The following PCYT1B variants were observed in gnomAD, a reference collection of about 807,000 sequenced individuals.
PCYT1B encodes the protein choline-phosphate cytidylyltransferase B.
In PCYT1B, 10 loss-of-function variants were observed where a neutral mutation model predicts 26.4. The observed-to-expected ratio is 0.38, with a 90% CI of 0.23 to 0.64. The LOEUF (loss-of-function observed/expected upper bound fraction) is 0.64. Ranked by LOEUF, PCYT1B falls within the 30% of genes least tolerant of loss-of-function variation. The pLI is 0.56. For missense variants in PCYT1B, 161 were observed against 292.7 expected (o/e 0.55, Z 3.28); for synonymous variants, 131 against 108.4 (o/e 1.21, Z -1.29).
At chrX:24,584,584 A>C (rs1924308193) in intron 5 of PCYT1B, among the ~76,000 whole-genome samples, 1 of 112,157 alleles carries the variant, frequency 8.9e-6, no homozygotes, top group Admixed American at 9.4e-5. Context: ...AGTCCCCACC[A>C]CCAGCCCTGC....
rs371692891 is a variant in PCYT1B at position 24,572,918 on chromosome X, T to TTATATATA, written c.897+2204_897+2211dup. Among the ~76,000 whole-genome samples, 481 of 96,280 alleles carry TTATATATA rather than the reference T, an allele frequency of 5.0e-3. 3 individuals carry two copies. Among genetic ancestry groups the TTATATATA allele is most frequent in the African/African-American group, 0.015 (402 of 26,500 alleles). 83.6% of individuals were successfully genotyped at this position (96,280 alleles called of 115,157 possible). A position where few individuals can be genotyped will look rare whatever the true frequency, so the allele number is the denominator to read the frequency against. ...TAAGGTCTATAAAGTTTTCATCAAA[T>TTATATATA]TATATATATATATATATATACACAC... is the stretch of plus-strand genomic sequence containing the variant. On this transcript the variant is annotated intron_variant, in intron 7 of 7. Transcript: ENST00000379144.
At chrX:24,609,706 A>G (rs766054942) in intron 2 of PCYT1B, among the ~76,000 whole-genome samples, 5 of 112,359 alleles carry the variant, frequency 4.5e-5, no homozygotes, top group African/African-American at 1.6e-4. Context: ...TTGACTGTCA[A>G]GTGTTGAGTG....
At chrX:24,563,187 G>A (rs972410119) in intron 7 of PCYT1B, among the ~76,000 whole-genome samples, 2 of 111,887 alleles carry the variant, frequency 1.8e-5, no homozygotes, top group South Asian at 3.8e-4. Flanking sequence ...GATATGAGGA[G>A]GAATCACACA....
At chrX:24,621,963 G>A (rs771396929) in intron 1 of PCYT1B, 3 of 172,418 alleles carry the variant, frequency 1.7e-5, no homozygotes, top group African/African-American at 3.1e-5. Flanking sequence ...TATATGCACC[G>A]TGCATTTTGT....
intron 5 of PCYT1B, among the ~76,000 whole-genome samples, chrX:24,581,240 T>C (rs1297664115): frequency 1.8e-5 from 2 of 112,144 alleles, no homozygotes; most frequent in East Asian, 2.8e-4. Flanking sequence ...AACTTGGCTG[T>C]GCAGTAGCTT....
chrX:24,596,295 G>A (rs921470339), intron 3 of PCYT1B, among the ~76,000 whole-genome samples: 2 of 111,671 alleles, frequency 1.8e-5, no homozygotes, highest in African/African-American at 6.5e-5. Context: ...TAAAAAATTA[G>A]AAGTGCAGGT....
At chrX:24,591,748 C>G (rs999157991) in intron 3 of PCYT1B, among the ~76,000 whole-genome samples, 1 of 111,659 alleles carries the variant, frequency 9.0e-6, no homozygotes, top group Non-Finnish European at 1.9e-5. Flanking sequence ...GTTAAGTGTA[C>G]AATATGTGTT....
intron 1 of PCYT1B, chrX:24,632,140 A>G (rs1007359433): frequency 5.4e-5 from 6 of 112,036 alleles, no homozygotes; most frequent in African/African-American, 1.9e-4. Flanking sequence ...CATAGCTCAC[A>G]TGTATTTCAA....
upstream of PCYT1B, among the ~76,000 whole-genome samples, chrX:24,651,956 GA>G (rs1461315179): frequency 9.0e-6 from 1 of 111,351 alleles, no homozygotes; most frequent in Non-Finnish European, 1.9e-5. Flanking sequence ...TCAGTGAGAG[GA>G]AACAAAAAAG....
chrX:24,659,007 T>G (rs768914930), intron 1 of PCYT1B, among the ~76,000 whole-genome samples: 12 of 112,115 alleles, frequency 1.1e-4, no homozygotes, highest in African/African-American at 3.9e-4. Flanking sequence ...ATGTCTAGTT[T>G]GCAGATAAGA....
chrX:24,597,702 T>C (rs1924832301), intron 3 of PCYT1B, among the ~76,000 whole-genome samples: 1 of 112,396 alleles, frequency 8.9e-6, no homozygotes, highest in Non-Finnish European at 1.9e-5. Context: ...TTCCTGTCTT[T>C]CCCTGTCTTA....
Position 24,560,436 on chromosome X carries a change from A to G in PCYT1B, c.*1857T>C, listed in dbSNP as rs1204171918. 1 of 111,788 alleles carries G rather than the reference A, an allele frequency of 8.9e-6. No homozygotes were observed. The highest frequency in any genetic ancestry group is 1.9e-5 in the Non-Finnish European group (1 of 53,159). 9.2% of individuals were successfully genotyped at this position (111,788 alleles called of 1,213,427 possible). The stretch of plus-strand genomic sequence containing the variant: ...AGAATGAGGCCCTTGTCCCTCTCTG[A>G]AGAGCAATATTCTGGGTGGCCCTTG... On this transcript the variant is annotated 3_prime_UTR_variant, in exon 8 of 8. Transcript: ENST00000379144.
intron 3 of PCYT1B, among the ~76,000 whole-genome samples, chrX:24,590,953 A>G (rs762835384): frequency 9.1e-6 from 1 of 109,375 alleles, no homozygotes; most frequent in Admixed American, 9.8e-5. Context: ...GCCACCACCC[A>G]GGCTAATTTT....
upstream of PCYT1B, among the ~76,000 whole-genome samples, chrX:24,648,081 T>C (rs1009072293): frequency 2.7e-5 from 3 of 111,918 alleles, no homozygotes; most frequent in African/African-American, 6.5e-5. Context: ...ACTTTACCAG[T>C]CGTGGGTCCC....
Position 24,562,199 on chromosome X carries a change from G to T in PCYT1B, c.*94C>A, listed in dbSNP as rs1025390441. The stretch of plus-strand genomic sequence containing the variant: ...GTCTCTCTGCTGAGCTGCAGCTCCT[G>T]TGACTATTACCCTTCAAACACCACC... On this transcript the variant is annotated 3_prime_UTR_variant, in exon 8 of 8. Coordinates refer to ENST00000379144, the MANE Select transcript of PCYT1B (RefSeq NM_004845.5). 3.4e-5 allele frequency: 40 copies of T among 1,192,600 alleles called. No individual in the cohort carries two copies. The East Asian group carries it at 1.2e-3, about 35-fold the overall frequency.
chrX:24,621,516 T>C (rs945561021), intron 1 of PCYT1B, among the ~76,000 whole-genome samples: 1 of 111,250 alleles, frequency 9.0e-6, no homozygotes, highest in Non-Finnish European at 1.9e-5. Flanking sequence ...TCACTCTTTC[T>C]CCCAGGTTGG....
intron 1 of PCYT1B, among the ~76,000 whole-genome samples, chrX:24,664,272 C>T (rs979612744): frequency 1.8e-5 from 2 of 111,682 alleles, no homozygotes. Context: ...CTTGATGAAC[C>T]TTTCCTGGGT....
chrX:24,588,142 G>T (rs140748164), intron 4 of PCYT1B, among the ~76,000 whole-genome samples: 25 of 110,982 alleles, frequency 2.3e-4, no homozygotes, highest in South Asian at 3.8e-4. Flanking sequence ...ACTCACCCTA[G>T]GTTCTGCTGG....
intron 1 of PCYT1B, among the ~76,000 whole-genome samples, chrX:24,633,440 G>A (rs1280597628): frequency 9.1e-6 from 1 of 109,977 alleles, no homozygotes; most frequent in African/African-American, 3.3e-5. Flanking sequence ...TTGGGAGGCC[G>A]AGGAGGGCAG....
Sources: gnomAD v4.1 joint callset for allele counts (sites outside exome capture counted in the v4.1 genomes callset) on GRCh38, gnomAD v4.1.1 for gene constraint, MANE v1.5 for transcripts, NCBI Gene and HGNC (gene_info 2026-07-23, HGNC 2026-07-21) for gene names.